Variants in SLC37A2 observed in about 807,000 individuals in gnomAD.
SLC37A2 encodes glucose-6-phosphate exchanger SLC37A2.
SLC37A2 carries 59 observed loss-of-function variants against 70.7 expected under a neutral mutation model. The ratio of observed to expected loss-of-function variants is 0.83; its 90% confidence interval spans 0.68 to 1.04. The LOEUF (loss-of-function observed/expected upper bound fraction) is 1.04. Among genes scored for constraint, SLC37A2 ranks in the 50% least tolerant of loss-of-function variants. The pLI is 0.00. For missense variants in SLC37A2, 580 were observed against 658.1 expected (o/e 0.88, Z 1.30); for synonymous variants, 257 against 262.1 (o/e 0.98, Z 0.19).
intron 9 of SLC37A2, 96 bp from the exon 10 acceptor site, chr11:125,082,148 G>A: frequency 1.6e-6 from 2 of 1,229,998 alleles, no homozygotes; most frequent in Non-Finnish European, 2.4e-6. Context: ...GGCAGGTGAT[G>A]GAAAGTACTG....
Position 125,083,521 on chromosome 11 carries a change from C to A in SLC37A2, c.977-294C>A. ...TTGCGCTCCAGGGGAAAGGTGGCCA[C>A]GGGACAGCAGGCTCGGGGGCCAGAT... On this transcript the variant is annotated intron_variant, in intron 10 of 17. Transcript: ENST00000403796. This position sits in a 1 kb window ranked among gnomAD's most constrained non-coding sequence, Gnocchi z 4.6. The A allele has an allele frequency of 2.8e-6, 1 of 350,918 alleles. No homozygotes were observed. The highest frequency in any genetic ancestry group is 4.2e-5 in the South Asian group (1 of 23,810). 21.7% of individuals were successfully genotyped at this position (350,918 alleles called of 1,614,324 possible). A position where few individuals can be genotyped will look rare whatever the true frequency, so the allele number is the denominator to read the frequency against.
chr11:125,064,232 A>G (rs1042119476), intron 1 of SLC37A2, among the ~76,000 whole-genome samples: 1 of 152,220 alleles, frequency 6.6e-6, no homozygotes. Context: ...ATGGTGGTTC[A>G]TGCTTGTAAT....
chr11:125,084,445 T>C (rs1949182522), intron 12 of SLC37A2, 126 bp downstream of exon 12: 1 of 970,748 alleles, frequency 1.0e-6, no homozygotes, highest in East Asian at 2.6e-5. Flanking sequence ...ACATGCATCA[T>C]TGTGCACACA....
intron 14 of SLC37A2, 115 bp from the exon 15 acceptor site, chr11:125,085,280 C>A: frequency 7.8e-7 from 1 of 1,276,366 alleles, no homozygotes; most frequent in Non-Finnish European, 1.1e-6. Context: ...ATGGGCCCCT[C>A]TCCTCTCAAG....
intron 1 of SLC37A2, among the ~76,000 whole-genome samples, chr11:125,069,271 T>C (rs1337410706): frequency 6.6e-6 from 1 of 152,216 alleles, no homozygotes; most frequent in African/African-American, 2.4e-5. Context: ...AGCTGATAAA[T>C]GACTGAGCTG....
At chr11:125,065,054 A>G (rs886123649) in intron 1 of SLC37A2, among the ~76,000 whole-genome samples, 1 of 152,236 alleles carries the variant, frequency 6.6e-6, no homozygotes, top group Non-Finnish European at 1.5e-5. Flanking sequence ...GTGAGGGAAG[A>G]CTACTGAAAT....
Position 125,080,743 on chromosome 11 carries a change from C to T in SLC37A2, c.657C>T (p.Ala219=), listed in dbSNP as rs144571590. The part of the protein sequence containing the change: ...LSFIVPGIIT[A]VMGVITFLFL... ...TCATCGTGCCTGGCATCATTACTGC[C>T]GTCATGGGCGTCATCACCTTCCTCT... is the stretch of plus-strand genomic sequence containing the variant. Residue 219 remains alanine, a synonymous_variant, in exon 7 of 18, where the codon GCC becomes GCT. Transcript: ENST00000403796. The surrounding 1 kb of genome is among the most constrained non-coding windows in gnomAD (Gnocchi z 4.3). The T allele has an allele frequency of 1.6e-5, 24 of 1,531,468 alleles. No homozygotes were observed. The highest frequency in any genetic ancestry group is 5.0e-5 in the East Asian group (2 of 39,700). 94.9% of individuals were successfully genotyped at this position (1,531,468 alleles called of 1,614,324 possible). A position where few individuals can be genotyped will look rare whatever the true frequency, so the allele number is the denominator to read the frequency against.
rs1354325654 is a variant in SLC37A2, at chr11:125,080,904, C to T, written c.694+124C>T. Reference sequence around the variant, plus strand: ...GGAGGACCAGCCGTGTGACTTTGGACAATCTTTCAGAGCCTTTATTTTCTC... The same window carrying T: ...GGAGGACCAGCCGTGTGACTTTGGATAATCTTTCAGAGCCTTTATTTTCTC... On this transcript the variant is annotated intron_variant, in intron 7 of 17. Coordinates refer to ENST00000403796, the MANE Select transcript of SLC37A2 (RefSeq NM_001145290.2). This position sits in a 1 kb window ranked among gnomAD's most constrained non-coding sequence, Gnocchi z 4.3. The T allele has an allele frequency of 2.7e-6, 2 of 739,542 alleles. No individual in the cohort carries two copies. The highest frequency in any genetic ancestry group is 3.8e-6 in the Non-Finnish European group (2 of 520,994). 45.8% of individuals were successfully genotyped at this position (739,542 alleles called of 1,614,324 possible).
chr11:125,080,600 TC>T lies in SLC37A2; in HGVS notation c.528-11del. ...TACTTTTTATACCTCTTCCCTTCTCTCCCTCCCTTCCAGGCGGGGGTTCATC... is the reference window on the plus strand; with the variant it reads ...TACTTTTTATACCTCTTCCCTTCTCTCCTCCCTTCCAGGCGGGGGTTCATC... On this transcript the variant is annotated splice_polypyrimidine_tract_variant and intron_variant, in intron 6 of 17. Coordinates refer to ENST00000403796, the MANE Select transcript of SLC37A2 (RefSeq NM_001145290.2). The surrounding 1 kb of genome is among the most constrained non-coding windows in gnomAD (Gnocchi z 4.3). 1 of 1,472,050 alleles carries T rather than the reference TC, an allele frequency of 6.8e-7. No individual in the cohort carries two copies. Among genetic ancestry groups the T allele is most frequent in the African/African-American group, 1.4e-5 (1 of 69,278 alleles). 91.2% of individuals were successfully genotyped at this position (1,472,050 alleles called of 1,614,324 possible).
In SLC37A2 at chr11:125,086,016, C is replaced by T. The variant is rs139840116; in HGVS notation, c.1488C>T (p.Ser496=). The change falls in exon 17 of 18, where the codon AGC becomes AGT. Residue 496 remains serine (S), a splice_region_variant and synonymous_variant. Coordinates refer to ENST00000403796, the MANE Select transcript of SLC37A2 (RefSeq NM_001145290.2). The part of the protein sequence containing the change: ...LAWKVSLSRG[S]GYKEI ...GGAAGGTGTCCCTGAGCAGAGGCAGCGGGTGAGTCCGGGGAGCTGAAGCTG... is the reference window on the plus strand; with the variant it reads ...GGAAGGTGTCCCTGAGCAGAGGCAGTGGGTGAGTCCGGGGAGCTGAAGCTG... The T allele has an allele frequency of 3.1e-4, 498 of 1,613,730 alleles. 4 individuals are homozygous for T. In the African/African-American group the frequency reaches 5.3e-3, roughly 17 times the overall value.
rs1591634070 is a variant in SLC37A2, at chr11:125,083,678, C to G, written c.977-137C>G. 2.7e-6 allele frequency: 2 copies of G among 752,744 alleles called. No individual in the cohort carries two copies. The highest frequency in any genetic ancestry group is 4.3e-5 in the Admixed American group (2 of 46,112). The allele number at this position is 752,744 out of a possible 1,614,324, so 46.6% of individuals were successfully genotyped here. ...TTCTCACCCTGTGGCCCTGGCCAGC[C>G]TGCTCCACAGGTCCCCAGCTCTTCC... On this transcript the variant is annotated intron_variant, in intron 10 of 17. Coordinates refer to ENST00000403796, the MANE Select transcript of SLC37A2 (RefSeq NM_001145290.2). This position sits in a 1 kb window ranked among gnomAD's most constrained non-coding sequence, Gnocchi z 4.6.
intron 1 of SLC37A2, among the ~76,000 whole-genome samples, chr11:125,064,516 G>A (rs569046731): frequency 5.9e-5 from 9 of 152,272 alleles, no homozygotes; most frequent in African/African-American, 2.2e-4. Context: ...TCTTTTGTCG[G>A]CAACCCTCTC....
intron 1 of SLC37A2, among the ~76,000 whole-genome samples, chr11:125,070,837 T>C (rs115082408): frequency 6.6e-6 from 1 of 152,234 alleles, no homozygotes; most frequent in African/African-American, 2.4e-5. Flanking sequence ...TCTTCCACCC[T>C]GCTGTTTCCT....
intron 4 of SLC37A2, 50 bp downstream of exon 4, chr11:125,077,578 G>T (rs1280767970): frequency 6.8e-7 from 1 of 1,476,630 alleles, no homozygotes; most frequent in Non-Finnish European, 9.4e-7. Context: ...GTTTAGAGCT[G>T]CTACCTCCCC....
chr11:125,085,136 T>C lies in SLC37A2; in HGVS notation c.1245T>C (p.Asp415=), dbSNP rs948268. 0.62 allele frequency: 993,781 copies of C among 1,612,922 alleles called. 310,932 individuals are homozygous for C. The highest frequency in any genetic ancestry group is 0.9 in the African/African-American group (67,406 of 74,990). Residue 415 remains aspartate, a synonymous_variant, in exon 14 of 18, where the codon GAT becomes GAC. Transcript: ENST00000403796. ...TCATCACCACTGCTGTCTCTGCTGATCTGGTGAGTGGGGCCACCTCCCGAG... is the reference window on the plus strand; with the variant it reads ...TCATCACCACTGCTGTCTCTGCTGACCTGGTGAGTGGGGCCACCTCCCGAG... ...YALITTAVSA[D]LGTHKSLKGN... is the part of the protein sequence containing the mutation.
chr11:125,066,112 G>A (rs1470915781), intron 1 of SLC37A2, among the ~76,000 whole-genome samples: 1 of 152,222 alleles, frequency 6.6e-6, no homozygotes, highest in Non-Finnish European at 1.5e-5. Context: ...CTTGACTAAA[G>A]AGTTCTGGAA....
chr11:125,087,297 T>C (rs1949229520), intron 17 of SLC37A2: 1 of 152,362 alleles, frequency 6.6e-6, no homozygotes, highest in African/African-American at 2.4e-5. Flanking sequence ...TTTGTTTGCT[T>C]TTCTCTGGAC....
intron 1 of SLC37A2, among the ~76,000 whole-genome samples, chr11:125,069,451 T>A (rs1949008864): frequency 6.6e-6 from 1 of 152,268 alleles, no homozygotes; most frequent in South Asian, 2.1e-4. Flanking sequence ...ATGATGTACC[T>A]ATATCACGGG....
At chr11:125,066,749 A>G (rs993878904) in intron 1 of SLC37A2, among the ~76,000 whole-genome samples, 1 of 152,064 alleles carries the variant, frequency 6.6e-6, no homozygotes, top group Non-Finnish European at 1.5e-5. Flanking sequence ...ACAGAGAAAA[A>G]ATTTTAAGAT....
Sources: gnomAD v4.1 joint callset for allele counts (sites outside exome capture counted in the v4.1 genomes callset) on GRCh38, gnomAD v4.1.1 for gene constraint, Gnocchi (gnomAD v3.1) non-coding constraint, MANE v1.5 for transcripts, NCBI Gene and HGNC (gene_info 2026-07-23, HGNC 2026-07-21) for gene names.